PPP1R12B: variants seen among roughly 807,000 people sequenced by gnomAD.
The protein encoded by PPP1R12B is protein phosphatase 1 regulatory subunit 12B, also known as myosin phosphatase target subunit 2.
Under a neutral mutation model 126.1 loss-of-function variants are expected in PPP1R12B, and 76 were observed. That is an observed-to-expected ratio of 0.60 (90% CI 0.50 to 0.73). The LOEUF (loss-of-function observed/expected upper bound fraction) is 0.73, where lower values mean the gene tolerates loss of function less well. PPP1R12B is among the 30% of genes least tolerant of loss of function. PPP1R12B has a pLI of 0.00. For missense variants in PPP1R12B, 1,052 were observed against 1,205.1 expected (o/e 0.87, Z 1.88); for synonymous variants, 356 against 434.7 (o/e 0.82, Z 2.25).
intron 14 of PPP1R12B, among the ~76,000 whole-genome samples, chr1:202,491,301 A>G (rs902508156): frequency 3.3e-5 from 5 of 152,022 alleles, no homozygotes; most frequent in African/African-American, 1.2e-4. Context: ...GGCACCCATC[A>G]CCACACCTGG....
chr1:202,411,863 G>A (rs1344601311), intron 1 of PPP1R12B, among the ~76,000 whole-genome samples: 2 of 152,142 alleles, frequency 1.3e-5, no homozygotes, highest in Non-Finnish European at 1.5e-5. Flanking sequence ...AAATAGAGAT[G>A]GGGTCTCACT....
At position 202,349,062 on chromosome 1, in the gene PPP1R12B, A is replaced by C. The variant is rs1376247720; in HGVS notation, c.211A>C (p.Thr71Pro). 1 of 1,613,980 alleles carries C rather than the reference A, an allele frequency of 6.2e-7. No individual in the cohort carries two copies. The highest frequency in any genetic ancestry group is 8.5e-7 in the Non-Finnish European group (1 of 1,180,042). ...TCTGGCCGCCTGCTCTAGCGGGGAC[A>C]CCGACGAGGTGAGAAAGCTTCTGGC... ...VFLAACSSGD[T>P]DEVRKLLARG... The change falls in exon 1 of 24, where the codon ACC becomes CCC. Residue 71 changes from threonine to proline, a missense_variant. Thr to Pro is a conservative substitution (Grantham distance 38). Transcript: ENST00000608999.
At chr1:202,377,397 G>A (rs537491986) in intron 1 of PPP1R12B, among the ~76,000 whole-genome samples, 66 of 151,824 alleles carry the variant, frequency 4.3e-4, no homozygotes, top group African/African-American at 1.5e-3. Flanking sequence ...CCGCCTCCCG[G>A]GTTCATGCCA....
At chr1:202,413,067 T>C (rs1667614237) in intron 1 of PPP1R12B, among the ~76,000 whole-genome samples, 1 of 151,948 alleles carries the variant, frequency 6.6e-6, no homozygotes. Flanking sequence ...ATATAATTTC[T>C]GGAGCTGCTG....
At position 202,537,219 on chromosome 1, in the gene PPP1R12B, TGGCA is replaced by T. The variant is rs201960992; in HGVS notation, c.2491-21654_2491-21651del. Among the ~76,000 whole-genome samples the T allele has an allele frequency of 1.1e-3, 161 of 152,168 alleles. No individual in the cohort carries two copies. The East Asian group carries it at 0.031, about 29-fold the overall frequency. On this transcript the variant is annotated intron_variant, in intron 18 of 23. Coordinates refer to ENST00000608999, the MANE Select transcript of PPP1R12B (RefSeq NM_002481.4). ...AAAAAAGAAAATTAGCCCGGCATGG[TGGCA>T]GGCGCTTGTTGTCCCAGCTACTTGG...
At chr1:202,530,818 G>A (rs1572406440) in intron 18 of PPP1R12B, among the ~76,000 whole-genome samples, 2 of 152,284 alleles carry the variant, frequency 1.3e-5, no homozygotes, top group East Asian at 3.9e-4. Flanking sequence ...TATTTTGTTG[G>A]TCTGATTTTT....
At chr1:202,464,075 T>G (rs1448010343) in intron 13 of PPP1R12B, among the ~76,000 whole-genome samples, 1 of 152,206 alleles carries the variant, frequency 6.6e-6, no homozygotes, top group Non-Finnish European at 1.5e-5. Context: ...TAAGAACTCC[T>G]GCAAATTAAA....
At chr1:202,414,541 G>T (rs1571901423) in intron 1 of PPP1R12B, among the ~76,000 whole-genome samples, 1 of 152,130 alleles carries the variant, frequency 6.6e-6, no homozygotes, top group Admixed American at 6.5e-5. Context: ...TGAATACTGG[G>T]ATGCTGTCAA....
At position 202,513,118 on chromosome 1, in the gene PPP1R12B, C is replaced by T. The variant is rs775829195; in HGVS notation, c.2490+16296C>T. On this transcript the variant is annotated intron_variant, in intron 18 of 23. Transcript: ENST00000608999. ...CCTCCCAAGTAGCTGGGATTATAGT[C>T]GTGAGCCACCATCCTTGGCTAAATT... 1.3e-3 allele frequency among the ~76,000 whole-genome samples: 198 copies of T among 152,262 alleles called. 1 individual carries two copies. Among genetic ancestry groups the T allele is most frequent in the Non-Finnish European group, 2.2e-3 (153 of 68,038 alleles).
chr1:202,580,377 A>G (rs1689477324), intron 23 of PPP1R12B, 97 bp from the exon 24 acceptor site: 1 of 850,986 alleles, frequency 1.2e-6, no homozygotes, highest in East Asian at 2.5e-5. Flanking sequence ...ACATTGTCTC[A>G]AAAGGCCCTG....
At chr1:202,381,003 G>T (rs1396180589) in intron 1 of PPP1R12B, among the ~76,000 whole-genome samples, 3 of 152,140 alleles carry the variant, frequency 2.0e-5, no homozygotes, top group Admixed American at 6.5e-5. Context: ...CTTATTCATA[G>T]ATGCTCTCTC....
At chr1:202,490,393 TTGA>T (rs1294719061) in intron 14 of PPP1R12B, among the ~76,000 whole-genome samples, 12 of 152,234 alleles carry the variant, frequency 7.9e-5, no homozygotes, top group African/African-American at 2.9e-4. Flanking sequence ...TTATTTTTAC[TTGA>T]TGATTATTTG....
chr1:202,417,031 GA>G, intron 2 of PPP1R12B, 114 bp downstream of exon 2: 1 of 1,229,614 alleles, frequency 8.1e-7, no homozygotes, highest in East Asian at 2.9e-5. Context: ...CTTTATTACA[GA>G]TTACAAAAGC....
intron 13 of PPP1R12B, among the ~76,000 whole-genome samples, chr1:202,478,842 C>A (rs1023803282): frequency 1.3e-5 from 2 of 152,068 alleles, no homozygotes; most frequent in African/African-American, 4.8e-5. Flanking sequence ...TCTTACCTAC[C>A]AGGTTTTTAT....
chr1:202,444,424 A>G (rs1671991361), intron 12 of PPP1R12B, among the ~76,000 whole-genome samples: 1 of 152,248 alleles, frequency 6.6e-6, no homozygotes, highest in Non-Finnish European at 1.5e-5. Flanking sequence ...TTTATTGCTC[A>G]TACAGTATTA....
In PPP1R12B at chr1:202,589,889, C is replaced by T. The variant is rs1441751008; in HGVS notation, c.*9329C>T. On this transcript the variant is annotated 3_prime_UTR_variant, in exon 24 of 24. Transcript: ENST00000608999. ...ACCTGATGGACAAGCACACATCTAG[C>T]CAACGGTGTTCCTGGAGGACAGGTG... 1 of 152,194 alleles carries T rather than the reference C, an allele frequency of 6.6e-6. No individual in the cohort carries two copies. The highest frequency in any genetic ancestry group is 1.5e-5 in the Non-Finnish European group (1 of 68,072). 9.4% of individuals were successfully genotyped at this position (152,194 alleles called of 1,614,324 possible).
At chr1:202,561,308 A>T (rs1687495937) in intron 19 of PPP1R12B, among the ~76,000 whole-genome samples, 1 of 152,144 alleles carries the variant, frequency 6.6e-6, no homozygotes. Flanking sequence ...ATAGCTAAAA[A>T]ATTTGAAAAA....
intron 18 of PPP1R12B, chr1:202,501,971 A>G (rs1391323617): frequency 1.8e-5 from 18 of 985,790 alleles, no homozygotes; most frequent in Non-Finnish European, 2.2e-5. Context: ...TTCAGTGGGT[A>G]GAGCATCAGC....
At chr1:202,480,623 G>A (rs970484807) in intron 13 of PPP1R12B, among the ~76,000 whole-genome samples, 8 of 152,144 alleles carry the variant, frequency 5.3e-5, no homozygotes, top group African/African-American at 1.4e-4. Context: ...ATATGCTACC[G>A]TGAGTAATAT....
Sources: gnomAD v4.1 joint callset for allele counts (sites outside exome capture counted in the v4.1 genomes callset) on GRCh38, gnomAD v4.1.1 for gene constraint, MANE v1.5 for transcripts, NCBI Gene and HGNC (gene_info 2026-07-23, HGNC 2026-07-21) for gene names.